LANCL2: variants seen among roughly 807,000 people sequenced by gnomAD.
The protein encoded by LANCL2 is lanC-like protein 2.
LANCL2 carries 33 observed loss-of-function variants against 56.9 expected under a neutral mutation model. That is an observed-to-expected ratio of 0.58 (90% confidence interval 0.44 to 0.78). The LOEUF is 0.78. LANCL2 is among the 30% of genes least tolerant of loss of function. The probability of loss-of-function intolerance (pLI) is 0.00; values close to 1 mark genes in which losing one functional copy is unlikely to be tolerated. For synonymous variants in LANCL2, 233 were observed against 228.2 expected, an observed-to-expected ratio of 1.02 and a Z score of -0.19; for missense variants, 562 against 580.2, an observed-to-expected ratio of 0.97 and a Z score of 0.32.
chr7:55,420,819 G>GTTTGTTTAC (rs1191405113), intron 6 of LANCL2, among the ~76,000 whole-genome samples: 1 of 152,200 alleles, frequency 6.6e-6, no homozygotes, highest in Non-Finnish European at 1.5e-5. Flanking sequence ...TGTTTCGGCT[G>GTTTGTTTAC]TTTGTTTACT....
At chr7:55,411,143 C>T (rs1014870734) in intron 5 of LANCL2, among the ~76,000 whole-genome samples, 9 of 152,348 alleles carry the variant, frequency 5.9e-5, no homozygotes, top group Non-Finnish European at 4.4e-5. Flanking sequence ...CTTAGCCCAG[C>T]TTTGCCATCT....
At chr7:55,387,540 G>T (rs905064124) in intron 1 of LANCL2, among the ~76,000 whole-genome samples, 99 of 138,650 alleles carry the variant, frequency 7.1e-4, no homozygotes, top group Admixed American at 2.0e-3. Flanking sequence ...GTTTTTTTTG[G>T]TTTTTTTTTT....
intron 1 of LANCL2, among the ~76,000 whole-genome samples, chr7:55,377,771 A>G (rs955709087): frequency 2.0e-5 from 3 of 152,224 alleles, no homozygotes; most frequent in South Asian, 2.1e-4. Flanking sequence ...CCCGATTGCA[A>G]TGTAATTGCT....
chr7:55,397,924 G>A (rs1790274697), intron 2 of LANCL2, among the ~76,000 whole-genome samples: 2 of 151,634 alleles, frequency 1.3e-5, no homozygotes, highest in Admixed American at 6.6e-5. Context: ...TTGTAGGGTT[G>A]TTCACTAAAG....
intron 1 of LANCL2, among the ~76,000 whole-genome samples, chr7:55,376,959 G>A (rs1790010332): frequency 6.6e-6 from 1 of 152,130 alleles, no homozygotes; most frequent in Admixed American, 6.5e-5. Flanking sequence ...GTATCTGAAA[G>A]TTAGAAAAAT....
chr7:55,428,790 GAATA>G (rs1476602430), intron 8 of LANCL2, among the ~76,000 whole-genome samples: 1 of 152,056 alleles, frequency 6.6e-6, no homozygotes, highest in Non-Finnish European at 1.5e-5. Flanking sequence ...TGGGAAGCTT[GAATA>G]ATTACTTAAA....
chr7:55,395,916 T>G (rs1411773685), intron 2 of LANCL2, among the ~76,000 whole-genome samples: 1 of 152,226 alleles, frequency 6.6e-6, no homozygotes, highest in East Asian at 1.9e-4. Context: ...ACACCTAGAT[T>G]GTGTAGCCAA....
intron 1 of LANCL2, among the ~76,000 whole-genome samples, chr7:55,369,577 A>T (rs1173318016): frequency 2.6e-5 from 4 of 152,326 alleles, no homozygotes; most frequent in Middle Eastern, 3.4e-3. Context: ...TGTGACGCAG[A>T]CACTCTTAGT....
intron 2 of LANCL2, among the ~76,000 whole-genome samples, chr7:55,392,627 G>T (rs1160625469): frequency 3.9e-5 from 6 of 152,166 alleles, no homozygotes; most frequent in Admixed American, 2.6e-4. Context: ...GGGATTACAG[G>T]CGTGAGCCAC....
chr7:55,369,259 G>A (rs895523241), intron 1 of LANCL2, among the ~76,000 whole-genome samples: 2 of 152,164 alleles, frequency 1.3e-5, no homozygotes, highest in Non-Finnish European at 2.9e-5. Context: ...TAATTTGTAA[G>A]TTAAGCATTG....
intron 8 of LANCL2, among the ~76,000 whole-genome samples, chr7:55,429,414 T>G (rs1370116223): frequency 2.0e-5 from 3 of 152,262 alleles, no homozygotes; most frequent in Admixed American, 6.5e-5. Context: ...TTGTAATTTT[T>G]GGGAAATTGG....
intron 1 of LANCL2, among the ~76,000 whole-genome samples, chr7:55,382,478 C>T (rs1373416775): frequency 6.6e-6 from 1 of 152,142 alleles, no homozygotes; most frequent in Non-Finnish European, 1.5e-5. Context: ...TGTATTCACA[C>T]AAAGCCAGCT....
rs368657658 is a variant in LANCL2 at position 55,433,604 on chromosome 7, A to G, written c.*2284A>G. On this transcript the variant is annotated 3_prime_UTR_variant, in exon 9 of 9. Coordinates refer to ENST00000254770, the MANE Select transcript of LANCL2 (RefSeq NM_018697.4). ...TGTATTCACAATTGTGTTCTCTAAA[A>G]TGTGTCTAAATTTTAAAAATATGTA... 94 of 152,326 alleles carry G rather than the reference A, an allele frequency of 6.2e-4. No homozygotes were observed. Among genetic ancestry groups the G allele is most frequent in the African/African-American group, 2.2e-3 (93 of 41,570 alleles). 9.4% of individuals were successfully genotyped at this position (152,326 alleles called of 1,614,324 possible).
chr7:55,418,767 T>C (rs1421734492), intron 6 of LANCL2, among the ~76,000 whole-genome samples: 1 of 152,198 alleles, frequency 6.6e-6, no homozygotes, highest in Non-Finnish European at 1.5e-5. Flanking sequence ...CTTTTAACTG[T>C]TTTTCTTAGA....
intron 4 of LANCL2, 80 bp from the exon 5 acceptor site, chr7:55,401,094 T>A: frequency 3.3e-6 from 4 of 1,194,326 alleles, no homozygotes; most frequent in Non-Finnish European, 4.8e-6. Context: ...ATATGTCATA[T>A]ATATATGACA....
intron 1 of LANCL2, among the ~76,000 whole-genome samples, chr7:55,371,909 T>TTG (rs144018831): frequency 0.012 from 1,796 of 150,922 alleles, 16 homozygotes; most frequent in Middle Eastern, 0.027. Flanking sequence ...ATGAACTAAA[T>TTG]TGTGTGTGTG....
At chr7:55,369,449 G>T (rs1369222228) in intron 1 of LANCL2, among the ~76,000 whole-genome samples, 1 of 152,118 alleles carries the variant, frequency 6.6e-6, no homozygotes. Flanking sequence ...ACTCAAGTCG[G>T]CTTCTCTGGG....
At chr7:55,391,687 A>T (rs1790192489) in intron 1 of LANCL2, 106 bp from the exon 2 acceptor site, 1 of 658,692 alleles carries the variant, frequency 1.5e-6, no homozygotes, top group Non-Finnish European at 2.7e-6. Flanking sequence ...GGTCCAAGGA[A>T]AGTAACTTCT....
intron 6 of LANCL2, 86 bp from the exon 7 acceptor site, chr7:55,425,168 C>T (rs1790651003): frequency 3.7e-6 from 5 of 1,358,768 alleles, no homozygotes; most frequent in Admixed American, 4.0e-5. Flanking sequence ...AATATCATGC[C>T]ATATTCTAAC....
Sources: gnomAD v4.1 joint callset for allele counts (sites outside exome capture counted in the v4.1 genomes callset) on GRCh38, gnomAD v4.1.1 for gene constraint, MANE v1.5 for transcripts, NCBI Gene and HGNC (gene_info 2026-07-23, HGNC 2026-07-21) for gene names.